TTC1: variants seen among roughly 807,000 people sequenced by gnomAD.
The protein encoded by TTC1 is tetratricopeptide repeat domain 1, also known as tetratricopeptide repeat protein 1.
In TTC1, 31 loss-of-function variants were observed where a neutral mutation model predicts 37.6. That is an observed-to-expected ratio of 0.82 (90% confidence interval 0.62 to 1.11). The LOEUF (loss-of-function observed/expected upper bound fraction) is 1.11. Among genes scored for constraint, TTC1 ranks in the 50% most tolerant of loss-of-function variants. TTC1 has a pLI of 0.00. For synonymous variants in TTC1, 127 were observed against 122.4 expected, an observed-to-expected ratio of 1.04 and a Z score of -0.25; for missense variants, 351 against 339.0, an observed-to-expected ratio of 1.04 and a Z score of -0.28.
At chr5:160,014,354 G>A (rs948504857) in intron 2 of TTC1, among the ~76,000 whole-genome samples, 8 of 150,768 alleles carry the variant, frequency 5.3e-5, no homozygotes, top group South Asian at 2.1e-4. Context: ...GCAAAACTCC[G>A]TCTCAGAAAA....
At chr5:160,034,370 G>A (rs1217240052) in intron 2 of TTC1, among the ~76,000 whole-genome samples, 4 of 152,094 alleles carry the variant, frequency 2.6e-5, no homozygotes, top group Non-Finnish European at 5.9e-5. Context: ...GGCCATCTAT[G>A]TGAGTTTCTG....
chr5:160,031,626 T>C (rs947955710), intron 2 of TTC1, among the ~76,000 whole-genome samples: 1 of 151,660 alleles, frequency 6.6e-6, no homozygotes, highest in Non-Finnish European at 1.5e-5. Flanking sequence ...AAAAAATAAA[T>C]AAATAAATAA....
intron 6 of TTC1, among the ~76,000 whole-genome samples, chr5:160,050,761 G>A (rs115804480): frequency 0.041 from 6,237 of 151,322 alleles, 156 homozygotes; most frequent in East Asian, 0.12. Context: ...GAGTAGCTGC[G>A]ACTACAGACA....
At position 160,036,744 on chromosome 5, in the gene TTC1, T is replaced by C; in HGVS notation, c.445T>C (p.Cys149Arg). 6.2e-7 allele frequency: 1 copy of C among 1,614,092 alleles called. No homozygotes were observed. The highest frequency in any genetic ancestry group is 8.5e-7 in the Non-Finnish European group (1 of 1,179,984). The change falls in exon 4 of 8, where the codon TGC becomes CGC. Residue 149 changes from cysteine to arginine, a missense_variant. Transcript: ENST00000231238. ...TCGAGCCCTCGAAATGTGCCCATCCTGCTTCCAAAAGGAGAGGTCGATTCT... is the reference window on the plus strand; with the variant it reads ...TCGAGCCCTCGAAATGTGCCCATCCCGCTTCCAAAAGGAGAGGTCGATTCT... Reference protein sequence around the residue: ...YSRALEMCPSCFQKERSILFS... With the variant: ...YSRALEMCPSRFQKERSILFS...
In TTC1 at chr5:160,042,222, G is replaced by A. The variant is rs73309356; in HGVS notation, c.505-911G>A. On this transcript the variant is annotated intron_variant, in intron 4 of 7. Coordinates refer to ENST00000231238, the MANE Select transcript of TTC1 (RefSeq NM_003314.3). ...TGGGATTACAGGCATGAGCCGCTGC[G>A]TCCAGCCCTGAAACTGCTTTTGATT... Among the ~76,000 whole-genome samples, 761 of 152,312 alleles carry A rather than the reference G, an allele frequency of 5.0e-3. 6 individuals carry two copies. Among genetic ancestry groups the A allele is most frequent in the African/African-American group, 0.018 (732 of 41,562 alleles).
intron 4 of TTC1, 126 bp downstream of exon 4, chr5:160,036,929 A>G: frequency 3.2e-6 from 2 of 618,956 alleles, no homozygotes; most frequent in South Asian, 2.0e-5. Context: ...TATTTCCCTG[A>G]TGTAAAGGCC....
At chr5:160,025,921 G>A (rs1334817237) in intron 2 of TTC1, among the ~76,000 whole-genome samples, 1 of 152,200 alleles carries the variant, frequency 6.6e-6, no homozygotes, top group Non-Finnish European at 1.5e-5. Context: ...TGTTAGATCT[G>A]TCCTAGCTCT....
At chr5:160,049,923 C>T (rs968474953) in intron 6 of TTC1, among the ~76,000 whole-genome samples, 15 of 151,798 alleles carry the variant, frequency 9.9e-5, no homozygotes, top group Non-Finnish European at 1.8e-4. Flanking sequence ...TCTAAAAATA[C>T]AAAAAATTAG....
At chr5:160,052,131 C>G (rs1489761327) in intron 7 of TTC1, among the ~76,000 whole-genome samples, 2 of 152,130 alleles carry the variant, frequency 1.3e-5, no homozygotes, top group Non-Finnish European at 2.9e-5. Flanking sequence ...CGGCTGCTTC[C>G]GATTCAGGAT....
At chr5:160,046,837 C>T (rs960645496) in intron 5 of TTC1, among the ~76,000 whole-genome samples, 16 of 152,044 alleles carry the variant, frequency 1.1e-4, no homozygotes, top group Non-Finnish European at 2.2e-4. Flanking sequence ...TATGGTGAAA[C>T]CCTGTCTCTA....
chr5:160,045,846 G>A (rs560115894), intron 5 of TTC1, among the ~76,000 whole-genome samples: 2 of 152,080 alleles, frequency 1.3e-5, no homozygotes, highest in South Asian at 2.1e-4. Flanking sequence ...AGGTTCAAGC[G>A]ACTCTTCTGC....
intron 3 of TTC1, 141 bp from the exon 4 acceptor site, chr5:160,036,550 C>A: frequency 1.6e-6 from 1 of 610,702 alleles, no homozygotes; most frequent in Non-Finnish European, 2.9e-6. Context: ...TTTTACTGCG[C>A]CAGACTTAAT....
chr5:160,010,655 A>C lies in TTC1; in HGVS notation c.127A>C (p.Ser43Arg). The change falls in exon 2 of 8, where the codon AGT becomes CGT. Residue 43 changes from serine to arginine, a missense_variant. By Grantham distance (110) the Ser-to-Arg change is moderately radical. Coordinates refer to ENST00000231238, the MANE Select transcript of TTC1 (RefSeq NM_003314.3). ...TGATCCCAAAAATCAGCATTCCCAG[A>C]GTAAGCTGCTCAGGGATGATGAGGC... is the stretch of plus-strand genomic sequence containing the variant. ...VPDPKNQHSQ[S>R]KLLRDDEAHL... 1 of 1,613,978 alleles carries C rather than the reference A, an allele frequency of 6.2e-7. No individual in the cohort carries two copies. Among genetic ancestry groups the C allele is most frequent in the East Asian group, 2.2e-5 (1 of 44,882 alleles).
At position 160,043,163 on chromosome 5, in the gene TTC1, A is replaced by G. The variant is rs762641504; in HGVS notation, c.535A>G (p.Ser179Gly). ...GAAAGAAATGGCCATCAATGACTGC[A>G]GCAAAGGTACAGCTTTATTATCTTA... Reference protein sequence around the residue: ...DKKEMAINDCSKAIQLNPSYI... With the variant: ...DKKEMAINDCGKAIQLNPSYI... The change falls in exon 5 of 8, where the codon AGC becomes GGC. Residue 179 changes from serine (S) to glycine (G), a missense_variant. Transcript: ENST00000231238. 1.1e-5 allele frequency: 17 copies of G among 1,613,464 alleles called. No homozygotes were observed. In the South Asian group the frequency reaches 1.5e-4, roughly 15 times the overall value.
At chr5:160,031,428 A>G (rs1030997400) in intron 2 of TTC1, among the ~76,000 whole-genome samples, 2 of 152,038 alleles carry the variant, frequency 1.3e-5, no homozygotes, top group African/African-American at 2.4e-5. Flanking sequence ...CCTGGGTAAC[A>G]TGGCAAAACC....
chr5:160,029,949 C>T (rs938883385), intron 2 of TTC1, among the ~76,000 whole-genome samples: 3 of 152,152 alleles, frequency 2.0e-5, no homozygotes, highest in Non-Finnish European at 4.4e-5. Context: ...TTGACAGGAG[C>T]CTCTTCTGCC....
chr5:160,013,874 T>C (rs1228717435), intron 2 of TTC1, among the ~76,000 whole-genome samples: 5 of 152,168 alleles, frequency 3.3e-5, no homozygotes, highest in Non-Finnish European at 7.4e-5. Context: ...GTTATGTCAC[T>C]TCATGGGATG....
At chr5:160,048,807 C>T (rs1002520630) in intron 5 of TTC1, among the ~76,000 whole-genome samples, 16 of 152,180 alleles carry the variant, frequency 1.1e-4, no homozygotes, top group East Asian at 3.9e-4. Context: ...AAAAATTAGC[C>T]GGGCATGGTG....
intron 2 of TTC1, among the ~76,000 whole-genome samples, chr5:160,029,265 G>A (rs1756863674): frequency 6.6e-6 from 1 of 151,996 alleles, no homozygotes; most frequent in African/African-American, 2.4e-5. Context: ...TCACTGAAAG[G>A]GCCTAAAAGG....
Sources: allele counts gnomAD v4.1 joint callset (sites outside exome capture counted in the v4.1 genomes callset), GRCh38; gene constraint gnomAD v4.1.1; transcripts MANE v1.5; gene names NCBI Gene and HGNC (gene_info 2026-07-23, HGNC 2026-07-21).